The following PROS1 variants were observed in gnomAD, a reference collection of about 807,000 sequenced individuals.
PROS1 encodes vitamin K-dependent protein S.
PROS1 carries 29 observed loss-of-function variants against 75.9 expected under a neutral mutation model. The observed-to-expected ratio is 0.38, with a 90% CI of 0.28 to 0.52. The LOEUF (loss-of-function observed/expected upper bound fraction) is 0.52, where lower values mean the gene tolerates loss of function less well. Among genes scored for constraint, PROS1 ranks in the 20% least tolerant of loss-of-function variants. The probability of loss-of-function intolerance (pLI) is 0.83; values close to 1 mark genes in which losing one functional copy is unlikely to be tolerated. For missense variants in PROS1, 680 were observed against 810.3 expected (o/e 0.84, Z 1.95); for synonymous variants, 245 against 280.6 (o/e 0.87, Z 1.27).
At position 93,927,552 on chromosome 3, in the gene PROS1, C is replaced by T. The variant is rs8178610; in HGVS notation, c.77-145G>A. On this transcript the variant is annotated intron_variant, in intron 1 of 14. Transcript: ENST00000394236. Reference sequence around the variant, plus strand: ...GTATGATCGAACTAAGAAAAAAATGCAGATACAGAAGCACGTTGGTTAACA... The same window carrying T: ...GTATGATCGAACTAAGAAAAAAATGTAGATACAGAAGCACGTTGGTTAACA... 0.41 allele frequency: 396,560 copies of T among 964,236 alleles called. 86,417 individuals carry two copies. The highest frequency in any genetic ancestry group is 0.53 in the East Asian group (20,213 of 37,878). The allele number at this position is 964,236 out of a possible 1,614,324, so 59.7% of individuals were successfully genotyped here. A position where few individuals can be genotyped will look rare whatever the true frequency, so the allele number is the denominator to read the frequency against.
At chr3:93,877,237 A>G in intron 13 of PROS1, 46 bp from the exon 14 acceptor site, 1 of 1,425,180 alleles carries the variant, frequency 7.0e-7, no homozygotes, top group South Asian at 1.2e-5. Context: ...AGTAAGAGTA[A>G]TGCTGCTTAA....
At chr3:93,934,131 G>C (rs1709147631) in intron 1 of PROS1, among the ~76,000 whole-genome samples, 1 of 151,462 alleles carries the variant, frequency 6.6e-6, no homozygotes, top group East Asian at 1.9e-4. Flanking sequence ...AGTGAGCAGA[G>C]ATTGCGCCAC....
chr3:93,884,954 T>C, intron 11 of PROS1, 58 bp from the exon 12 acceptor site: 1 of 1,422,522 alleles, frequency 7.0e-7, no homozygotes, highest in East Asian at 2.3e-5. Context: ...GTGGCTCGAT[T>C]ATGAGTATAG....
At chr3:93,880,071 C>T (rs1198766177) in intron 12 of PROS1, among the ~76,000 whole-genome samples, 2 of 152,102 alleles carry the variant, frequency 1.3e-5, no homozygotes, top group Admixed American at 1.3e-4. Flanking sequence ...TATGATGTAA[C>T]ATACAGCAAA....
chr3:93,890,616 G>A (rs376066375), intron 10 of PROS1, among the ~76,000 whole-genome samples: 2 of 152,036 alleles, frequency 1.3e-5, no homozygotes, highest in South Asian at 2.1e-4. Flanking sequence ...TCAGCCAGCC[G>A]ACACTTATGG....
At chr3:93,934,007 T>G (rs1709145100) in intron 1 of PROS1, among the ~76,000 whole-genome samples, 2 of 59,544 alleles carry the variant, frequency 3.4e-5, no homozygotes, top group African/African-American at 1.4e-4. Flanking sequence ...AGACTCTGTC[T>G]CAAAAAAAAA....
chr3:93,948,392 G>T (rs1435040049), intron 1 of PROS1, among the ~76,000 whole-genome samples: 1 of 152,182 alleles, frequency 6.6e-6, no homozygotes, highest in African/African-American at 2.4e-5. Context: ...CTGTTGATTT[G>T]GGGTGGAGAG....
chr3:93,962,474 A>G (rs1321974406), intron 1 of PROS1, among the ~76,000 whole-genome samples: 1 of 152,174 alleles, frequency 6.6e-6, no homozygotes, highest in African/African-American at 2.4e-5. Context: ...TTCATACTAT[A>G]AGCTTTTCTC....
intron 12 of PROS1, among the ~76,000 whole-genome samples, chr3:93,880,184 T>G (rs1267859475): frequency 2.6e-5 from 4 of 152,156 alleles, no homozygotes; most frequent in African/African-American, 9.7e-5. Context: ...AATGTCACTG[T>G]TTTTCATTAT....
intron 1 of PROS1, among the ~76,000 whole-genome samples, chr3:93,970,328 G>A (rs1416401883): frequency 6.6e-6 from 1 of 152,018 alleles, no homozygotes; most frequent in Non-Finnish European, 1.5e-5. Flanking sequence ...TATGTAGACA[G>A]TATCTATTTT....
chr3:93,949,822 G>A (rs1709463631), intron 1 of PROS1, among the ~76,000 whole-genome samples: 1 of 152,166 alleles, frequency 6.6e-6, no homozygotes, highest in South Asian at 2.1e-4. Context: ...CCGGGTTCAT[G>A]TCACTGGGAC....
At chr3:93,945,235 G>T (rs547976480) in intron 1 of PROS1, among the ~76,000 whole-genome samples, 6 of 152,266 alleles carry the variant, frequency 3.9e-5, no homozygotes, top group African/African-American at 1.4e-4. Flanking sequence ...ATACAAACAG[G>T]AACTGGTACC....
chr3:93,957,051 C>T (rs189611114), intron 1 of PROS1, among the ~76,000 whole-genome samples: 103 of 151,850 alleles, frequency 6.8e-4, no homozygotes, highest in African/African-American at 2.5e-3. Context: ...ATGTTCATTA[C>T]AATATAATTG....
intron 1 of PROS1, among the ~76,000 whole-genome samples, chr3:93,937,491 C>A (rs899000104): frequency 2.3e-4 from 35 of 151,964 alleles, no homozygotes; most frequent in Non-Finnish European, 4.9e-4. Context: ...CCTCAGCCTC[C>A]CGAGTAGCTG....
chr3:93,895,615 CTG>C (rs755219687), intron 9 of PROS1, among the ~76,000 whole-genome samples: 7 of 152,130 alleles, frequency 4.6e-5, no homozygotes, highest in Non-Finnish European at 8.8e-5. Flanking sequence ...ACTGTATAAT[CTG>C]TCTCAAGTAT....
intron 2 of PROS1, among the ~76,000 whole-genome samples, chr3:93,925,821 TAA>T (rs35893198): frequency 2.0e-3 from 219 of 107,544 alleles, no homozygotes; most frequent in Middle Eastern, 0.011. Context: ...AGACCCTGTC[TAA>T]AAAAAAAAAA....
At chr3:93,965,132 G>A (rs555570080) in intron 1 of PROS1, among the ~76,000 whole-genome samples, 2 of 152,300 alleles carry the variant, frequency 1.3e-5, no homozygotes, top group South Asian at 4.1e-4. Flanking sequence ...CCAGGCATTC[G>A]AGCCGGCAAT....
intron 1 of PROS1, among the ~76,000 whole-genome samples, chr3:93,933,003 C>A (rs1426068656): frequency 1.3e-5 from 2 of 152,200 alleles, no homozygotes; most frequent in Non-Finnish European, 2.9e-5. Context: ...AAAAGCTCAT[C>A]TCTCTTTTAG....
At chr3:93,929,374 G>C (rs984271735) in intron 1 of PROS1, among the ~76,000 whole-genome samples, 1 of 152,088 alleles carries the variant, frequency 6.6e-6, no homozygotes, top group Admixed American at 6.5e-5. Context: ...AGCTAGTCAG[G>C]AGGCTGAGGC....
Sources: allele counts gnomAD v4.1 joint callset (sites outside exome capture counted in the v4.1 genomes callset), GRCh38; gene constraint gnomAD v4.1.1; transcripts MANE v1.5; gene names NCBI Gene and HGNC (gene_info 2026-07-23, HGNC 2026-07-21).